The following ASB10 variants were observed in gnomAD, a reference collection of about 807,000 sequenced individuals.
The protein encoded by ASB10 is ankyrin repeat and SOCS box containing 10.
A neutral mutation model predicts 35.4 loss-of-function variants in ASB10; 44 were observed. The observed-to-expected ratio is 1.24, with a 90% CI of 0.98 to 1.60. The LOEUF (loss-of-function observed/expected upper bound fraction) is 1.60, where lower values mean the gene tolerates loss of function less well. ASB10 is among the 40% of genes most tolerant of loss of function. ASB10 has a pLI of 0.00. For missense variants in ASB10, 647 were observed against 634.3 expected, an observed-to-expected ratio of 1.02 and a Z score of -0.22; for synonymous variants, 294 against 280.4, an observed-to-expected ratio of 1.05 and a Z score of -0.49.
chr7:151,187,648 C>A, upstream of ASB10: 2 of 1,530,524 alleles, frequency 1.3e-6, no homozygotes, highest in Non-Finnish European at 1.8e-6. The surrounding 1 kb of genome is among the most constrained non-coding windows in gnomAD (Gnocchi z 5.3). Context: ...GCCTCCAGAT[C>A]CGGCAGGCCG....
intron 3 of ASB10, among the ~76,000 whole-genome samples, chr7:151,180,148 C>T (rs1001162619): frequency 6.6e-5 from 10 of 152,204 alleles, no homozygotes; most frequent in Non-Finnish European, 8.8e-5. Context: ...CCTCTGAGAA[C>T]GGATGTCCCC....
At chr7:151,177,973 C>T (rs751451417) in intron 3 of ASB10, among the ~76,000 whole-genome samples, 3 of 152,186 alleles carry the variant, frequency 2.0e-5, no homozygotes, top group Non-Finnish European at 2.9e-5. Flanking sequence ...AGGAGCCGGG[C>T]GTGGCGGCTC....
chr7:151,184,045 T>A (rs1453476684), intron 2 of ASB10, among the ~76,000 whole-genome samples: 1 of 152,162 alleles, frequency 6.6e-6, no homozygotes, highest in Non-Finnish European at 1.5e-5. Context: ...CAAGTGTCCC[T>A]CAACGGGTGA....
chr7:151,183,178 G>A (rs1044563627), intron 2 of ASB10, among the ~76,000 whole-genome samples: 5 of 152,144 alleles, frequency 3.3e-5, no homozygotes, highest in Non-Finnish European at 5.9e-5. Flanking sequence ...CTGGCTAGGT[G>A]CAGTGGAGAA....
chr7:151,179,798 C>G (rs2150556537), intron 3 of ASB10, among the ~76,000 whole-genome samples: 1 of 152,288 alleles, frequency 6.6e-6, no homozygotes, highest in African/African-American at 2.4e-5. Flanking sequence ...TCCTCCCGCC[C>G]CTGCCTGCCA....
chr7:151,185,755 T>C (rs74600473), intron 2 of ASB10, among the ~76,000 whole-genome samples: 5,128 of 152,314 alleles, frequency 0.034, 318 homozygotes, highest in East Asian at 0.27. Context: ...GTTGCAATTA[T>C]TTATGTCACT....
chr7:151,180,710 CGCACACCATGTATACACAT>C (rs1206692570), intron 3 of ASB10, among the ~76,000 whole-genome samples: 1 of 152,182 alleles, frequency 6.6e-6, no homozygotes, highest in Non-Finnish European at 1.5e-5. Flanking sequence ...TGTATACACA[CGCACACCATGTATACACAT>C]GCACACACAC....
chr7:151,180,648 C>T (rs1004661328), intron 3 of ASB10, among the ~76,000 whole-genome samples: 4 of 152,164 alleles, frequency 2.6e-5, no homozygotes, highest in African/African-American at 9.6e-5. Context: ...GCCCCCAGTC[C>T]GCCTTTATCA....
chr7:151,176,277 GGAGTAGAAACGCT>G lies in ASB10; in HGVS notation c.1226_1238del (p.Gln409ProfsTer7). ...GCTGCCTCACCAAGGCGAAGAGGGA[GGAGTAGAAACGCT>G]GATGTTTCTGGGGGCAGAACAAGGG... is the stretch of plus-strand genomic sequence containing the variant. On this transcript the variant is annotated frameshift_variant, in exon 5 of 6. Transcript: ENST00000420175. LOFTEE classifies it high-confidence loss of function. 6.4e-7 allele frequency: 1 copy of G among 1,558,994 alleles called. No homozygotes were observed. The highest frequency in any genetic ancestry group is 8.7e-7 in the Non-Finnish European group (1 of 1,154,014).
At chr7:151,179,593 C>G (rs1326627017) in intron 3 of ASB10, among the ~76,000 whole-genome samples, 1 of 152,238 alleles carries the variant, frequency 6.6e-6, no homozygotes, top group Non-Finnish European at 1.5e-5. Context: ...CCAGCTGGGG[C>G]TGGCATTTCA....
In ASB10 at chr7:151,180,948, G is replaced by A. The variant is rs2150557140; in HGVS notation, c.1095C>T (p.Ala365=). The A allele has an allele frequency of 6.5e-7, 1 of 1,533,500 alleles. No individual in the cohort carries two copies. 95.0% of individuals were successfully genotyped at this position (1,533,500 alleles called of 1,614,324 possible). A position where few individuals can be genotyped will look rare whatever the true frequency, so the allele number is the denominator to read the frequency against. Reference sequence around the variant, plus strand: ...CCTGCAGCCCCCATACCTTGGGGAGGGCCCCTGGCCAGACACGGACGGCGC... The same window carrying A: ...CCTGCAGCCCCCATACCTTGGGGAGAGCCCCTGGCCAGACACGGACGGCGC... The part of the protein sequence containing the change: ...NHGAVRVWPG[A]LPKVLERWST... Residue 365 remains alanine, a synonymous_variant, in exon 3 of 6, where the codon GCC becomes GCT. Transcript: ENST00000420175.
At chr7:151,183,794 T>C (rs1357115699) in intron 2 of ASB10, among the ~76,000 whole-genome samples, 4 of 152,026 alleles carry the variant, frequency 2.6e-5, no homozygotes, top group Non-Finnish European at 5.9e-5. Context: ...CCATGTTGGC[T>C]AGGCTGGTCT....
chr7:151,187,580 A>G (rs930793622), upstream of ASB10: 3 of 1,550,816 alleles, frequency 1.9e-6, no homozygotes, highest in African/African-American at 2.7e-5. The surrounding 1 kb of genome is among the most constrained non-coding windows in gnomAD (Gnocchi z 5.3). Context: ...CTGCAGGGCC[A>G]TGTCTTGGCA....
At chr7:151,178,820 C>G (rs1366712896) in intron 3 of ASB10, among the ~76,000 whole-genome samples, 1 of 152,164 alleles carries the variant, frequency 6.6e-6, no homozygotes, top group Non-Finnish European at 1.5e-5. Context: ...GCCTCTTTTC[C>G]TCACTCCTCC....
intron 2 of ASB10, among the ~76,000 whole-genome samples, chr7:151,184,805 G>A (rs1801556796): frequency 6.6e-6 from 1 of 151,994 alleles, no homozygotes; most frequent in South Asian, 2.1e-4. Flanking sequence ...GGCAGAACAC[G>A]AGGTCAGGAG....
chr7:151,186,016 C>T (rs1470765829), intron 2 of ASB10, among the ~76,000 whole-genome samples: 3 of 152,130 alleles, frequency 2.0e-5, no homozygotes, highest in African/African-American at 7.2e-5. Flanking sequence ...GGCAGGGCCT[C>T]AGGGACTTAG....
chr7:151,181,551 C>T (rs535890621), intron 2 of ASB10, 93 bp from the exon 3 acceptor site: 160 of 1,447,888 alleles, frequency 1.1e-4, no homozygotes, highest in Non-Finnish European at 1.4e-4. Flanking sequence ...TCCCCCCACC[C>T]ACCCTCCATC....
chr7:151,183,260 G>C (rs1801526712), intron 2 of ASB10, among the ~76,000 whole-genome samples: 1 of 152,180 alleles, frequency 6.6e-6, no homozygotes, highest in African/African-American at 2.4e-5. Flanking sequence ...AAATTAGCTG[G>C]GAATGGTGGC....
intron 2 of ASB10, among the ~76,000 whole-genome samples, chr7:151,184,391 C>T (rs552746710): frequency 1.5e-5 from 2 of 134,538 alleles, no homozygotes; most frequent in African/African-American, 3.0e-5. Flanking sequence ...CCAGCCTGGG[C>T]GACAGAGTAA....
Sources: allele counts gnomAD v4.1 joint callset (sites outside exome capture counted in the v4.1 genomes callset), GRCh38; gene constraint gnomAD v4.1.1; non-coding constraint Gnocchi (gnomAD v3.1); transcripts MANE v1.5; gene names NCBI Gene and HGNC (gene_info 2026-07-23, HGNC 2026-07-21).